The following SCAPER variants were observed in gnomAD, a reference collection of about 807,000 sequenced individuals.
The protein encoded by SCAPER is S-phase cyclin A associated protein in the ER.
In SCAPER, 98 loss-of-function variants were observed where a neutral mutation model predicts 182.2. The ratio of observed to expected loss-of-function variants is 0.54; its 90% CI spans 0.46 to 0.64. The LOEUF (loss-of-function observed/expected upper bound fraction) is 0.64. Ranked by LOEUF, SCAPER falls within the 30% of genes least tolerant of loss-of-function variation. The probability of loss-of-function intolerance (pLI) is 0.00; values close to 1 mark genes in which losing one functional copy is unlikely to be tolerated. For synonymous variants in SCAPER, 605 were observed against 564.6 expected, an observed-to-expected ratio of 1.07 and a Z score of -1.01; for missense variants, 1,432 against 1,690.0, an observed-to-expected ratio of 0.85 and a Z score of 2.68.
chr15:76,786,291 C>T (rs144816219), intron 8 of SCAPER, among the ~76,000 whole-genome samples: 1 of 145,184 alleles, frequency 6.9e-6, no homozygotes, highest in Admixed American at 7.1e-5. Context: ...CATACCATTG[C>T]ACTCCAGCCT....
At chr15:76,580,703 CAAAG>C (rs1299350044) in intron 22 of SCAPER, among the ~76,000 whole-genome samples, 1 of 151,966 alleles carries the variant, frequency 6.6e-6, no homozygotes, top group Non-Finnish European at 1.5e-5. Context: ...GCATTTATAT[CAAAG>C]AAGTAGAAAA....
intron 23 of SCAPER, among the ~76,000 whole-genome samples, chr15:76,519,646 G>C (rs1032719079): frequency 6.6e-6 from 1 of 152,194 alleles, no homozygotes; most frequent in African/African-American, 2.4e-5. Flanking sequence ...AATTCTGCCA[G>C]AGTTTGGATC....
At chr15:76,775,266 T>TACAA in intron 8 of SCAPER, 149 bp from the exon 9 acceptor site, 1 of 664,492 alleles carries the variant, frequency 1.5e-6, no homozygotes, top group Non-Finnish European at 2.4e-6. Context: ...TGTATATTTG[T>TACAA]ATATACATAT....
chr15:76,701,755 T>G lies in SCAPER; in HGVS notation c.2508+3A>C. The G allele has an allele frequency of 6.2e-7, 1 of 1,611,842 alleles. No individual in the cohort carries two copies. Among genetic ancestry groups the G allele is most frequent in the Non-Finnish European group, 8.5e-7 (1 of 1,178,030 alleles). Reference sequence around the variant, plus strand: ...ATTGTAAATGAACAAAAATAAAGTTTACCACTTCTTCATCTGACAGTTCAC... The same window carrying G: ...ATTGTAAATGAACAAAAATAAAGTTGACCACTTCTTCATCTGACAGTTCAC... On this transcript the variant is annotated splice_donor_region_variant and intron_variant, in intron 20 of 31. Coordinates refer to ENST00000563290, the MANE Select transcript of SCAPER (RefSeq NM_020843.4).
intron 23 of SCAPER, among the ~76,000 whole-genome samples, chr15:76,535,381 G>T (rs2044045734): frequency 1.3e-5 from 2 of 151,818 alleles, no homozygotes; most frequent in South Asian, 4.2e-4. Context: ...AATTAGCCAG[G>T]CGTGGTGGCG....
chr15:76,673,336 T>C (rs1035504030), intron 20 of SCAPER, among the ~76,000 whole-genome samples: 10 of 152,092 alleles, frequency 6.6e-5, no homozygotes, highest in Admixed American at 3.9e-4. Flanking sequence ...ATCCAGTATA[T>C]AATGCTGGTG....
Position 76,354,031 on chromosome 15 carries a change from A to G in SCAPER, c.3965T>C (p.Ile1322Thr), listed in dbSNP as rs2040788354. The change falls in exon 30 of 32, where the codon ATC (isoleucine) becomes ACC (threonine). Residue 1322 changes from isoleucine (I) to threonine (T), a missense_variant. Ile to Thr is a moderately conservative substitution (Grantham distance 89, BLOSUM62 -1). Transcript: ENST00000563290. The surrounding 1 kb of genome is among the most constrained non-coding windows in gnomAD (Gnocchi z 4.4). ...CTGATGGTTGTTGTAACAAGCAGCG[A>G]TAAGTGAAGGGAACAGTACTTTGAT... ...RLIKVLFPSL[I>T]AACYNNHQNK... 1 of 1,607,912 alleles carries G rather than the reference A, an allele frequency of 6.2e-7. No individual in the cohort carries two copies. The highest frequency in any genetic ancestry group is 1.3e-5 in the African/African-American group (1 of 74,490).
chr15:76,831,762 G>A (rs1258500673), intron 5 of SCAPER, among the ~76,000 whole-genome samples: 1 of 152,120 alleles, frequency 6.6e-6, no homozygotes, highest in Non-Finnish European at 1.5e-5. Flanking sequence ...CTGACTGGGA[G>A]TACCTCGGTC....
intron 26 of SCAPER, among the ~76,000 whole-genome samples, chr15:76,416,656 T>C (rs1247486690): frequency 6.6e-6 from 1 of 152,156 alleles, no homozygotes; most frequent in Admixed American, 6.6e-5. Context: ...GTATATTCTC[T>C]GACCCAGAAA....
chr15:76,608,566 C>A (rs934098352), intron 22 of SCAPER, among the ~76,000 whole-genome samples: 1 of 152,206 alleles, frequency 6.6e-6, no homozygotes, highest in East Asian at 1.9e-4. Flanking sequence ...ACATTTAAGT[C>A]TGCAGAGGTT....
intron 26 of SCAPER, among the ~76,000 whole-genome samples, chr15:76,427,872 G>A (rs1317625532): frequency 6.6e-6 from 1 of 151,184 alleles, no homozygotes; most frequent in Non-Finnish European, 1.5e-5. Context: ...AGCAGAGGTT[G>A]CAGTGAGCTG....
intron 25 of SCAPER, among the ~76,000 whole-genome samples, chr15:76,434,877 A>G (rs923148966): frequency 6.6e-6 from 1 of 152,208 alleles, no homozygotes; most frequent in Non-Finnish European, 1.5e-5. Flanking sequence ...AGCTTGGACC[A>G]TGGCTCTGCA....
intron 26 of SCAPER, among the ~76,000 whole-genome samples, chr15:76,417,128 T>C (rs1357361676): frequency 6.6e-6 from 1 of 152,036 alleles, no homozygotes; most frequent in Non-Finnish European, 1.5e-5. Flanking sequence ...AGGTATTATA[T>C]TTAAATAAAA....
chr15:76,508,534 A>G (rs2041777895), intron 23 of SCAPER, among the ~76,000 whole-genome samples: 1 of 152,162 alleles, frequency 6.6e-6, no homozygotes, highest in Non-Finnish European at 1.5e-5. Context: ...TGTTAATTTC[A>G]GTTATTCCAC....
At chr15:76,436,092 G>C (rs2047180330) in intron 25 of SCAPER, among the ~76,000 whole-genome samples, 1 of 152,052 alleles carries the variant, frequency 6.6e-6, no homozygotes, top group Admixed American at 6.5e-5. Context: ...TTTGGAGACA[G>C]AGTCTCACTC....
At chr15:76,413,001 G>C (rs975705979) in intron 26 of SCAPER, among the ~76,000 whole-genome samples, 1 of 151,876 alleles carries the variant, frequency 6.6e-6, no homozygotes, top group Admixed American at 6.6e-5. Flanking sequence ...AAATGGTATT[G>C]TTTTTTAAAT....
intron 18 of SCAPER, among the ~76,000 whole-genome samples, chr15:76,704,952 T>G (rs1598273288): frequency 6.6e-6 from 1 of 152,328 alleles, no homozygotes; most frequent in East Asian, 1.9e-4. Context: ...TTGGTGGGAC[T>G]GTAAACTAGT....
rs1254532584 is a variant in SCAPER, at chr15:76,875,925, GGC to G, written c.6+7885_6+7886del. Among the ~76,000 whole-genome samples the G allele has an allele frequency of 8.0e-4, 121 of 151,884 alleles. 1 individual carries two copies. In the South Asian group the frequency reaches 0.01, roughly 13 times the overall value. ...GGCCGCGCAGGACCCCACGGTGGGG[GGC>G]GGGGTCAGGCTCAGGCATGGCGGGC... On this transcript the variant is annotated intron_variant, in intron 2 of 31. Transcript: ENST00000563290.
rs116412668 is a variant in SCAPER, at chr15:76,832,207, G to A, written c.393+9527C>T. 8.1e-3 allele frequency among the ~76,000 whole-genome samples: 1,231 copies of A among 152,256 alleles called. 13 individuals carry two copies. Among genetic ancestry groups the A allele is most frequent in the African/African-American group, 0.028 (1,167 of 41,540 alleles). On this transcript the variant is annotated intron_variant, in intron 5 of 31. Transcript: ENST00000563290. ...GAAGGAAACTCCAGAAGACATAGGA[G>A]AAGGCTGAAAACCAACGCAAGGTAA... is the stretch of plus-strand genomic sequence containing the variant.
Sources: gnomAD v4.1 joint callset for allele counts (sites outside exome capture counted in the v4.1 genomes callset) on GRCh38, gnomAD v4.1.1 for gene constraint, Gnocchi (gnomAD v3.1) non-coding constraint, MANE v1.5 for transcripts, NCBI Gene and HGNC (gene_info 2026-07-23, HGNC 2026-07-21) for gene names.